C4orf50: variants seen among roughly 807,000 people sequenced by gnomAD.
C4orf50 encodes chromosome 4 open reading frame 50, also known as uncharacterized protein C4orf50.
C4orf50 carries 80 observed loss-of-function variants against 77.2 expected under a neutral mutation model. The observed-to-expected ratio is 1.04, with a 90% CI of 0.87 to 1.25. The LOEUF is 1.25. C4orf50 is among the 50% of genes most tolerant of loss of function. C4orf50 has a pLI of 0.00. For synonymous variants in C4orf50, 532 were observed against 465.3 expected (o/e 1.14, Z -1.84); for missense variants, 1,257 against 1,152.9 (o/e 1.09, Z -1.31).
At chr4:5,914,786 T>C (rs1181079760) in intron 7 of C4orf50, among the ~76,000 whole-genome samples, 1 of 152,252 alleles carries the variant, frequency 6.6e-6, no homozygotes, top group Non-Finnish European at 1.5e-5. Context: ...ACCTTGAGCT[T>C]GTTTTACAAG....
chr4:6,012,193 A>T (rs552252341), intron 23 of C4orf50, among the ~76,000 whole-genome samples: 1 of 152,332 alleles, frequency 6.6e-6, no homozygotes, highest in South Asian at 2.1e-4. Context: ...ATGCATCAGA[A>T]ATCTTCAACG....
At chr4:5,921,475 G>A (rs1011370224) in intron 7 of C4orf50, among the ~76,000 whole-genome samples, 7 of 152,208 alleles carry the variant, frequency 4.6e-5, no homozygotes, top group Admixed American at 2.6e-4. Flanking sequence ...GATGAATGCC[G>A]TGAGACAGTG....
At chr4:6,003,934 A>G (rs1388535870) in intron 25 of C4orf50, among the ~76,000 whole-genome samples, 586 of 23,766 alleles carry the variant, frequency 0.025, 13 homozygotes, top group Non-Finnish European at 0.034. Context: ...GATGGTGATG[A>G]TGGTGATGGT....
At chr4:5,975,778 C>G (rs1369414564) in intron 30 of C4orf50, 121 bp downstream of exon 8, 2 of 754,932 alleles carry the variant, frequency 2.6e-6, no homozygotes, top group East Asian at 5.4e-5. Context: ...TGTGAGCCAC[C>G]GTGCCTGGCC....
exon 28 of C4orf50, chr4:5,989,590 G>A (rs1197205188): frequency 2.0e-6 from 3 of 1,536,136 alleles, no homozygotes; most frequent in Admixed American, 3.9e-5. Flanking sequence ...CGGCTGCAGG[G>A]TGGACAGCTG....
downstream of C4orf50, among the ~76,000 whole-genome samples, chr4:5,954,564 C>T (rs1718867825): frequency 6.6e-6 from 1 of 152,070 alleles, no homozygotes; most frequent in Non-Finnish European, 1.5e-5. The surrounding 1 kb of genome is among the most constrained non-coding windows in gnomAD (Gnocchi z 4.7). Flanking sequence ...CAAAGCTGAC[C>T]TCCATTCCCA....
chr4:5,986,612 C>T (rs1419232289), intron 28 of C4orf50, among the ~76,000 whole-genome samples: 2 of 150,894 alleles, frequency 1.3e-5, no homozygotes, highest in Admixed American at 6.6e-5. Flanking sequence ...AATCTCGGCT[C>T]ACTGCAACCT....
In C4orf50 at chr4:5,900,712, C is replaced by G. The variant is rs1474770817; in HGVS notation, c.*2475-2524G>C. ...CATTTGCAGTCAAGTGGCTTTGTCA[C>G]TGGACCGCAGATGTCAGTTAACCTC... On this transcript the variant is annotated intron_variant, in intron 7 of 7. Coordinates refer to the C4orf50 transcript ENST00000324058. This position sits in a 1 kb window ranked among gnomAD's most constrained non-coding sequence, Gnocchi z 4.3. 6.6e-6 allele frequency: 1 copy of G among 152,216 alleles called. No individual in the cohort carries two copies. The highest frequency in any genetic ancestry group is 1.5e-5 in the Non-Finnish European group (1 of 68,028). 9.4% of individuals were successfully genotyped at this position (152,216 alleles called of 1,614,324 possible).
chr4:5,906,646 T>C (rs144524619), intron 7 of C4orf50, among the ~76,000 whole-genome samples: 188 of 152,296 alleles, frequency 1.2e-3, no homozygotes, highest in African/African-American at 4.3e-3. Flanking sequence ...CAGGCTTTGC[T>C]GCAATGCTAA....
chr4:5,906,709 T>A (rs1413965725), intron 7 of C4orf50, among the ~76,000 whole-genome samples: 1 of 152,180 alleles, frequency 6.6e-6, no homozygotes, highest in African/African-American at 2.4e-5. Flanking sequence ...GCCGCATCCA[T>A]CCCAAGGGTG....
In C4orf50 at chr4:6,009,072, C is replaced by T. The variant is rs989543830; in HGVS notation, c.427-540G>A. Among the ~76,000 whole-genome samples, 3 of 152,160 alleles carry T rather than the reference C, an allele frequency of 2.0e-5. No individual in the cohort carries two copies. Among genetic ancestry groups the T allele is most frequent in the African/African-American group, 4.8e-5 (2 of 41,448 alleles). The stretch of plus-strand genomic sequence containing the variant: ...TGGATACTCCACCTGGAGGGAGGTA[C>T]GTTACTAGCCTGAGAGACACTCAGG... On this transcript the variant is annotated intron_variant, in intron 24 of 33. Transcript: ENST00000531445. The surrounding 1 kb of genome is among the most constrained non-coding windows in gnomAD (Gnocchi z 5.6).
At chr4:5,951,338 A>AG (rs1718705465) in intron 7 of C4orf50, among the ~76,000 whole-genome samples, 2 of 76,802 alleles carry the variant, frequency 2.6e-5, no homozygotes, top group African/African-American at 1.4e-4. Context: ...TGAGGGAATG[A>AG]AGGGGGGTGG....
At chr4:5,996,241 T>C (rs774414418) in intron 25 of C4orf50, among the ~76,000 whole-genome samples, 51 of 152,236 alleles carry the variant, frequency 3.4e-4, no homozygotes, top group Non-Finnish European at 6.2e-4. Context: ...GTCACATCCT[T>C]CTTGGGAGGG....
At chr4:5,996,721 T>C (rs1051589058) in intron 25 of C4orf50, among the ~76,000 whole-genome samples, 4 of 152,212 alleles carry the variant, frequency 2.6e-5, no homozygotes, top group Non-Finnish European at 4.4e-5. Flanking sequence ...GGCCACATCA[T>C]GGAGTCACCC....
At chr4:5,969,748 T>G (rs558704128) in intron 31 of C4orf50, among the ~76,000 whole-genome samples, 8 of 152,180 alleles carry the variant, frequency 5.3e-5, no homozygotes, top group Admixed American at 1.3e-4. Context: ...ACAGGTGGCT[T>G]AGGTACGTGA....
chr4:6,000,129 G>A lies in C4orf50; in HGVS notation c.964-5653C>T, dbSNP rs1486359770. Among the ~76,000 whole-genome samples the A allele has an allele frequency of 3.3e-5, 5 of 152,256 alleles. No homozygotes were observed. Among genetic ancestry groups the A allele is most frequent in the Middle Eastern group, 3.4e-3 (1 of 294 alleles). Reference sequence around the variant, plus strand: ...CCAGAGCAAGGTGCTGAAGACCTGCGTGTGGCTCTCGGTCCTCCTGGGTCA... The same window carrying A: ...CCAGAGCAAGGTGCTGAAGACCTGCATGTGGCTCTCGGTCCTCCTGGGTCA... On this transcript the variant is annotated intron_variant, in intron 25 of 33. Coordinates refer to ENST00000531445, the Ensembl canonical transcript of C4orf50. The surrounding 1 kb of genome is among the most constrained non-coding windows in gnomAD (Gnocchi z 6.0).
rs114091442 is a variant in C4orf50, at chr4:5,960,270, T to A, written c.4276-644A>T. ...CAGTCACTATTGTACCTGTGATCCC[T>A]TCACGACCAACATCTCACACCTCTC... On this transcript the variant is annotated intron_variant, in intron 33 of 33. Transcript: ENST00000531445. Among the ~76,000 whole-genome samples, 390 of 152,336 alleles carry A rather than the reference T, an allele frequency of 2.6e-3. 1 individual carries two copies. The highest frequency in any genetic ancestry group is 8.8e-3 in the African/African-American group (364 of 41,576).
chr4:5,913,387 G>A (rs555607980), intron 7 of C4orf50, among the ~76,000 whole-genome samples: 39 of 151,776 alleles, frequency 2.6e-4, no homozygotes, highest in Non-Finnish European at 5.5e-4. Flanking sequence ...ACTATTCTGG[G>A]AACACATTTT....
intron 25 of C4orf50, among the ~76,000 whole-genome samples, chr4:5,994,803 A>T (rs1181129074): frequency 6.6e-6 from 1 of 152,194 alleles, no homozygotes; most frequent in African/African-American, 2.4e-5. Context: ...AGACTGGTAC[A>T]GTCCGTGGCC....
Sources: allele counts gnomAD v4.1 joint callset (sites outside exome capture counted in the v4.1 genomes callset), GRCh38; gene constraint gnomAD v4.1.1; non-coding constraint Gnocchi (gnomAD v3.1); transcripts MANE v1.5; gene names NCBI Gene and HGNC (gene_info 2026-07-23, HGNC 2026-07-21).